ZNF142: variants seen among roughly 807,000 people sequenced by gnomAD.
ZNF142 encodes the protein zinc finger protein 142 (clone pHZ-49).
In ZNF142, 96 loss-of-function variants were observed where a neutral mutation model predicts 132.1. The observed-to-expected ratio is 0.73, with a 90% CI of 0.62 to 0.86. The LOEUF is 0.86. Among genes scored for constraint, ZNF142 ranks in the 40% least tolerant of loss-of-function variants. The probability of loss-of-function intolerance (pLI) is 0.00; values close to 1 mark genes in which losing one functional copy is unlikely to be tolerated. For synonymous variants in ZNF142, 842 were observed against 890.1 expected, an observed-to-expected ratio of 0.95 and a Z score of 0.96; for missense variants, 2,163 against 2,336.2, an observed-to-expected ratio of 0.93 and a Z score of 1.53.
At chr2:218,650,558 A>G (rs766465382) in intron 5 of ZNF142, 32 bp from the exon 6 acceptor site, 1 of 1,524,694 alleles carries the variant, frequency 6.6e-7, no homozygotes, top group Non-Finnish European at 8.8e-7. Context: ...TAAAGTCTAC[A>G]GGAGCCAATA....
intron 6 of ZNF142, among the ~76,000 whole-genome samples, chr2:218,649,680 G>C (rs1269808229): frequency 6.6e-6 from 1 of 152,246 alleles, no homozygotes; most frequent in Non-Finnish European, 1.5e-5. Context: ...GTGACAGCCT[G>C]TTTGAAGTGC....
At position 218,643,395 on chromosome 2, in the gene ZNF142, TAGA is replaced by T; in HGVS notation, c.3718_3720del (p.Ser1240del). 1 of 1,614,062 alleles carries T rather than the reference TAGA, an allele frequency of 6.2e-7. No individual in the cohort carries two copies. The highest frequency in any genetic ancestry group is 8.5e-7 in the Non-Finnish European group (1 of 1,179,998). The stretch of plus-strand genomic sequence containing the variant: ...CAGCCTTCAGCCACGTGAGAGGTAA[TAGA>T]GGAGAGCCGGGAACAAAGGAATGGG... On this transcript the variant is annotated inframe_deletion, in exon 9 of 11. Transcript: ENST00000411696.
At chr2:218,654,458 T>C (rs1261070888) in intron 4 of ZNF142, among the ~76,000 whole-genome samples, 1 of 151,472 alleles carries the variant, frequency 6.6e-6, no homozygotes, top group African/African-American at 2.4e-5. Context: ...CCTCCGCCTC[T>C]CGGGTTCAAG....
At chr2:218,640,967 C>T (rs967485832) in intron 9 of ZNF142, among the ~76,000 whole-genome samples, 198 bp from the exon 10 acceptor site, 5 of 148,950 alleles carry the variant, frequency 3.4e-5, no homozygotes, top group African/African-American at 1.2e-4. Context: ...CAGGGTCTCA[C>T]TCTGTTGCCC....
Position 218,642,908 on chromosome 2 carries a change from G to A in ZNF142, c.4208C>T (p.Pro1403Leu), listed in dbSNP as rs369102195. 1.2e-6 allele frequency: 2 copies of A among 1,613,970 alleles called. No individual in the cohort carries two copies. The highest frequency in any genetic ancestry group is 1.7e-6 in the Non-Finnish European group (2 of 1,180,024). The change falls in exon 9 of 11, where the codon CCC becomes CTC. Residue 1403 changes from proline to leucine, a missense_variant. This residue lies in a region of ZNF142 where 809 missense variants were observed against 801.7 expected (regional missense o/e 1.01). Transcript: ENST00000411696. The surrounding 1 kb of genome is among the most constrained non-coding windows in gnomAD (Gnocchi z 4.6). ...TCTGGTGGTCGAAAAGTCACAGAAGGGGCACTGATGGGGCTTCACCCCCTC... is the reference window on the plus strand; with the variant it reads ...TCTGGTGGTCGAAAAGTCACAGAAGAGGCACTGATGGGGCTTCACCCCCTC... The part of the protein sequence containing the change: ...KHEGVKPHQC[P>L]FCDFSTTRRY...
At position 218,642,505 on chromosome 2, in the gene ZNF142, G is replaced by A; in HGVS notation, c.4611C>T (p.Cys1537=). ...PLHCSRCGLL[C]PSPASLRGHT... Reference sequence around the variant, plus strand: ...GTCCTCGTAAGCTGGCAGGGCTGGGGCACAGCAACCCACAGCGGGAACAGT... The same window carrying A: ...GTCCTCGTAAGCTGGCAGGGCTGGGACACAGCAACCCACAGCGGGAACAGT... The change falls in exon 9 of 11, where the codon TGC becomes TGT. Residue 1537 remains cysteine, a synonymous_variant. Coordinates refer to ENST00000411696, the MANE Select transcript of ZNF142 (RefSeq NM_001379659.1). This position sits in a 1 kb window ranked among gnomAD's most constrained non-coding sequence, Gnocchi z 4.6. The A allele has an allele frequency of 1.3e-5, 21 of 1,607,444 alleles. No homozygotes were observed. The highest frequency in any genetic ancestry group is 1.8e-5 in the Non-Finnish European group (21 of 1,175,958).
chr2:218,636,439 C>T lies in ZNF142; in HGVS notation c.*1900G>A, dbSNP rs573181493. On this transcript the variant is annotated 3_prime_UTR_variant, in exon 11 of 11. Transcript: ENST00000411696. ...CTGGCCAATACCCCAGCTCTGGCTG[C>T]CTTCCTAATGCTGTCCTCCTGCCCC... The T allele has an allele frequency of 2.7e-5, 44 of 1,614,000 alleles. No individual in the cohort carries two copies. The highest frequency in any genetic ancestry group is 2.3e-4 in the South Asian group (21 of 91,082).
rs1697422617 is a variant in ZNF142, at chr2:218,643,386, G to A, written c.3730C>T (p.His1244Tyr). ...LCSRLSSITS[H>Y]VAEGCRGGRG... ...CCCCCCCTGCAGCCTTCAGCCACGTGAGAGGTAATAGAGGAGAGCCGGGAA... is the reference window on the plus strand; with the variant it reads ...CCCCCCCTGCAGCCTTCAGCCACGTAAGAGGTAATAGAGGAGAGCCGGGAA... The change falls in exon 9 of 11, where the codon CAC becomes TAC. Residue 1244 changes from histidine (H) to tyrosine (Y), a missense_variant. Coordinates refer to ENST00000411696, the MANE Select transcript of ZNF142 (RefSeq NM_001379659.1). 4 of 1,614,098 alleles carry A rather than the reference G, an allele frequency of 2.5e-6. No individual in the cohort carries two copies. Among genetic ancestry groups the A allele is most frequent in the Admixed American group, 1.7e-5 (1 of 60,006 alleles).
At position 218,648,882 on chromosome 2, in the gene ZNF142, G is replaced by A. The variant is rs1344006416; in HGVS notation, c.1626C>T (p.Ala542=). 2 of 1,614,100 alleles carry A rather than the reference G, an allele frequency of 1.2e-6. No individual in the cohort carries two copies. Among genetic ancestry groups the A allele is most frequent in the African/African-American group, 1.3e-5 (1 of 74,936 alleles). ...CAAAATCACAGTGGGGGCAGTGGAA[G>A]GCGTAGTGACTCTTGTGGTGGGCCT... ...AMEAHHKSHY[A]FHCPHCDFAC... is the part of the protein sequence containing the mutation. Residue 542 remains alanine, a synonymous_variant, in exon 7 of 11, where the codon GCC becomes GCT. Transcript: ENST00000411696.
Position 218,636,753 on chromosome 2 carries a change from TTTTTCTC to T in ZNF142, c.*1579_*1585del. ...CAATCTGGGACCTGATTTTCCACCTTTTTTCTCTTTTCTTCCCTTCCTTTGTTTTCAT... is the reference window on the plus strand; with the variant it reads ...CAATCTGGGACCTGATTTTCCACCTTTTTTCTTCCCTTCCTTTGTTTTCAT... On this transcript the variant is annotated 3_prime_UTR_variant, in exon 11 of 11. Coordinates refer to ENST00000411696, the MANE Select transcript of ZNF142 (RefSeq NM_001379659.1). The T allele has an allele frequency of 1.4e-6, 1 of 708,164 alleles. No homozygotes were observed. Among genetic ancestry groups the T allele is most frequent in the Non-Finnish European group, 2.4e-6 (1 of 413,900 alleles). 43.9% of individuals were successfully genotyped at this position (708,164 alleles called of 1,614,324 possible).
Position 218,651,841 on chromosome 2 carries a change from T to C in ZNF142, c.740A>G (p.His247Arg), listed in dbSNP as rs757077641. The change falls in exon 5 of 11, where the codon CAT (histidine) becomes CGT (arginine). Residue 247 changes from histidine (H) to arginine (R), a missense_variant. Around this residue, in one of 7 missense-constraint regions of ZNF142, gnomAD observed 63 missense variants for 104.1 expected, o/e 0.61. Transcript: ENST00000411696. ...QQGMELHRQA[H>R]YPFHCSHCSF... ...GCAGTGGCTGCAGTGGAAAGGGTAA[T>C]GCGCCTGCCGGTGCAGCTCCATGCC... 7.8e-7 allele frequency: 1 copy of C among 1,289,868 alleles called. No individual in the cohort carries two copies. The highest frequency in any genetic ancestry group is 1.2e-5 in the South Asian group (1 of 81,034). 79.9% of individuals were successfully genotyped at this position (1,289,868 alleles called of 1,614,324 possible). A position where few individuals can be genotyped will look rare whatever the true frequency, so the allele number is the denominator to read the frequency against.
chr2:218,635,657 T>C lies in ZNF142; in HGVS notation c.*2682A>G. The C allele has an allele frequency of 1.6e-6, 2 of 1,247,414 alleles. No homozygotes were observed. The highest frequency in any genetic ancestry group is 1.5e-5 in the African/African-American group (1 of 65,988). The allele number at this position is 1,247,414 out of a possible 1,614,324, so 77.3% of individuals were successfully genotyped here. On this transcript the variant is annotated 3_prime_UTR_variant, in exon 11 of 11. Transcript: ENST00000411696. ...CTTTGGGTGCATTTTAAATTGCAGATAGAATACTAGAAGAAAATATATTAC... is the reference window on the plus strand; with the variant it reads ...CTTTGGGTGCATTTTAAATTGCAGACAGAATACTAGAAGAAAATATATTAC...
rs1168481646 is a variant in ZNF142 at position 218,652,265 on chromosome 2, C to T, written c.316G>A (p.Glu106Lys). ...LVKVVEVYFCERCEQSFAEPT... is the reference protein window; with the variant it reads ...LVKVVEVYFCKRCEQSFAEPT... ...TCTGCGAAGCTCTGTTCACAGCGCT[C>T]ACAGAAGTACACCTCCACCACCTTT... Residue 106 changes from glutamate to lysine, a missense_variant, in exon 5 of 11, where the codon GAG becomes AAG. By Grantham distance (56) the Glu-to-Lys change is moderately conservative. Coordinates refer to ENST00000411696, the MANE Select transcript of ZNF142 (RefSeq NM_001379659.1). 4.4e-6 allele frequency: 2 copies of T among 456,908 alleles called. No homozygotes were observed. Among genetic ancestry groups the T allele is most frequent in the Non-Finnish European group, 8.8e-6 (2 of 227,038 alleles). The allele number at this position is 456,908 out of a possible 1,614,324, so 28.3% of individuals were successfully genotyped here.
chr2:218,656,613 T>C, intron 3 of ZNF142, 150 bp from the exon 4 acceptor site: 2 of 432,722 alleles, frequency 4.6e-6, no homozygotes, highest in Non-Finnish European at 7.9e-6. Flanking sequence ...AAATAGAGGC[T>C]TTCTTTTATG....
At chr2:218,639,827 G>A (rs1484907101) in intron 10 of ZNF142, among the ~76,000 whole-genome samples, 2 of 151,020 alleles carry the variant, frequency 1.3e-5, no homozygotes, top group African/African-American at 2.4e-5. Flanking sequence ...AGGCCGAGGC[G>A]GGCGGATCAT....
intron 10 of ZNF142, among the ~76,000 whole-genome samples, chr2:218,640,374 G>A (rs1697087306): frequency 6.6e-6 from 1 of 152,182 alleles, no homozygotes; most frequent in African/African-American, 2.4e-5. Flanking sequence ...AGTCATACAA[G>A]TTTGAGTTGG....
intron 3 of ZNF142, among the ~76,000 whole-genome samples, chr2:218,657,038 G>A (rs1325015913): frequency 6.6e-6 from 1 of 152,078 alleles, no homozygotes; most frequent in Non-Finnish European, 1.5e-5. Flanking sequence ...GGCTGGTCTC[G>A]AACTTCTGAC....
intron 8 of ZNF142, among the ~76,000 whole-genome samples, chr2:218,645,795 C>T (rs752622867): frequency 8.5e-5 from 13 of 152,174 alleles, no homozygotes; most frequent in Non-Finnish European, 1.3e-4. Context: ...CAGAGTCTTA[C>T]TCTGTCACCC....
rs1452045906 is a variant in ZNF142 at position 218,644,318 on chromosome 2, C to A, written c.2798G>T (p.Gly933Val). 6.2e-7 allele frequency: 1 copy of A among 1,614,140 alleles called. No homozygotes were observed. Among genetic ancestry groups the A allele is most frequent in the Admixed American group, 1.7e-5 (1 of 60,020 alleles). ...FRPLGLEGPD[G>V]LEGPELSSFE... ...GCTAGATAGCTCTGGTCCTTCCAGT[C>A]CATCTGGCCCTTCCAGTCCCAGGGG... The change falls in exon 9 of 11, where the codon GGA becomes GTA. Residue 933 changes from glycine (G) to valine (V), a missense_variant. Physicochemically the swap from Gly to Val is moderately radical, Grantham distance 109. This residue lies in a region of ZNF142 where 749 missense variants were observed against 830.3 expected (regional missense o/e 0.90). Transcript: ENST00000411696. This position sits in a 1 kb window ranked among gnomAD's most constrained non-coding sequence, Gnocchi z 4.6.
Sources: gnomAD v4.1 joint callset for allele counts (sites outside exome capture counted in the v4.1 genomes callset) on GRCh38, gnomAD v4.1.1 for gene constraint, gnomAD v4.1.1 regional missense constraint, Gnocchi (gnomAD v3.1) non-coding constraint, MANE v1.5 for transcripts, NCBI Gene and HGNC (gene_info 2026-07-23, HGNC 2026-07-21) for gene names.